IRAG2: variants seen among roughly 807,000 people sequenced by gnomAD.
IRAG2 encodes inositol 1,4,5-triphosphate receptor associated 2, also known as lymphoid restricted membrane protein.
A neutral mutation model predicts 69.9 loss-of-function variants in IRAG2; 45 were observed. That is an observed-to-expected ratio of 0.64 (90% confidence interval 0.51 to 0.83). The LOEUF is 0.83. Among genes scored for constraint, IRAG2 ranks in the 40% least tolerant of loss-of-function variants. The pLI is 0.00. For missense variants in IRAG2, 520 were observed against 587.0 expected (o/e 0.89, Z 1.18); for synonymous variants, 193 against 202.4 (o/e 0.95, Z 0.40).
upstream of IRAG2, among the ~76,000 whole-genome samples, chr12:25,003,147 C>G (rs1297428073): frequency 6.6e-6 from 1 of 151,996 alleles, no homozygotes; most frequent in Non-Finnish European, 1.5e-5. Flanking sequence ...ATACCCCTTC[C>G]AATTATAGTA....
intron 1 of IRAG2, chr12:25,005,000 T>C: frequency 1.2e-6 from 1 of 868,700 alleles, no homozygotes; most frequent in Non-Finnish European, 1.5e-6. Flanking sequence ...AAAAAAAATC[T>C]ACATTATTAA....
At chr12:25,055,365 A>G (rs1243878613) in intron 1 of IRAG2, among the ~76,000 whole-genome samples, 1 of 152,234 alleles carries the variant, frequency 6.6e-6, no homozygotes, top group African/African-American at 2.4e-5. Flanking sequence ...GGTTACTTAT[A>G]TATTTTATTT....
chr12:25,028,117 A>G (rs1477474810), intron 9 of IRAG2, among the ~76,000 whole-genome samples: 5 of 151,946 alleles, frequency 3.3e-5, no homozygotes, highest in Non-Finnish European at 5.9e-5. Context: ...TAAAGATGGG[A>G]TTTCACCATG....
At chr12:25,099,404 TAAATCCTACAGA>T (rs932792833) in intron 15 of IRAG2, among the ~76,000 whole-genome samples, 22 of 152,300 alleles carry the variant, frequency 1.4e-4, no homozygotes, top group African/African-American at 5.1e-4. Context: ...CACTTCACAT[TAAATCCTACAGA>T]AAATCCTATT....
chr12:25,044,548 G>A (rs1944777035), intron 16 of IRAG2, among the ~76,000 whole-genome samples: 1 of 152,026 alleles, frequency 6.6e-6, no homozygotes, highest in Admixed American at 6.6e-5. Flanking sequence ...TTAGATTTAA[G>A]TACATACATA....
rs541646801 is a variant in IRAG2 at position 25,077,282 on chromosome 12, A to G, written c.25-1962A>G. Among the ~76,000 whole-genome samples, 268 of 83,774 alleles carry G rather than the reference A, an allele frequency of 3.2e-3. 77 individuals carry two copies. The highest frequency in any genetic ancestry group is 5.4e-3 in the Non-Finnish European group (233 of 43,468). The allele number at this position is 83,774 out of a possible 152,430, so 55.0% of individuals were successfully genotyped here. A position where few individuals can be genotyped will look rare whatever the true frequency, so the allele number is the denominator to read the frequency against. ...TATATATGAAATATATATGAAATAT[A>G]TATGATATATATATGAAATATATAT... is the stretch of plus-strand genomic sequence containing the variant. On this transcript the variant is annotated intron_variant, in intron 6 of 21. Transcript: ENST00000556887.
intron 9 of IRAG2, among the ~76,000 whole-genome samples, chr12:25,027,403 T>C (rs559739765): frequency 4.6e-5 from 7 of 151,538 alleles, no homozygotes; most frequent in African/African-American, 1.5e-4. Flanking sequence ...TTTTTCTTTT[T>C]TTTTTTTTTG....
At position 25,042,717 on chromosome 12, in the gene IRAG2, G is replaced by A. The variant is rs574402105; in HGVS notation, c.2144+4580G>A. On this transcript the variant is annotated intron_variant, in intron 16 of 38. Transcript: ENST00000636465. ...CTTGACCTCGTGATCCACCTGCCTCGGCCTCCCAAAGTGCTGGGATTATAG... is the reference window on the plus strand; with the variant it reads ...CTTGACCTCGTGATCCACCTGCCTCAGCCTCCCAAAGTGCTGGGATTATAG... Among the ~76,000 whole-genome samples, 38 of 151,798 alleles carry A rather than the reference G, an allele frequency of 2.5e-4. No homozygotes were observed. In the South Asian group the frequency reaches 7.9e-3, roughly 32 times the overall value.
At chr12:25,045,298 A>G (rs1415049672) in intron 16 of IRAG2, among the ~76,000 whole-genome samples, 2 of 152,098 alleles carry the variant, frequency 1.3e-5, no homozygotes, top group East Asian at 3.8e-4. Flanking sequence ...ACTAAAAAAG[A>G]AAATAAATTT....
chr12:25,008,414 A>G (rs1276315456), intron 2 of IRAG2, among the ~76,000 whole-genome samples: 1 of 152,052 alleles, frequency 6.6e-6, no homozygotes, highest in Non-Finnish European at 1.5e-5. Flanking sequence ...CTACCCTGGG[A>G]AACATAGTGA....
chr12:25,021,207 C>T (rs971245821), intron 7 of IRAG2, among the ~76,000 whole-genome samples: 3 of 151,018 alleles, frequency 2.0e-5, no homozygotes, highest in African/African-American at 2.4e-5. Flanking sequence ...CAGGCTCAAG[C>T]GATCCTCTCA....
At chr12:25,015,560 TA>T (rs1263323585) in intron 5 of IRAG2, 2 of 483,474 alleles carry the variant, frequency 4.1e-6, no homozygotes, top group Non-Finnish European at 6.6e-6. Context: ...TAACTGATTT[TA>T]AATTCTTCAC....
chr12:25,078,813 C>T (rs1241342466), intron 6 of IRAG2, among the ~76,000 whole-genome samples: 1 of 152,176 alleles, frequency 6.6e-6, no homozygotes, highest in Non-Finnish European at 1.5e-5. Context: ...CATGATTTTT[C>T]TAGCTAGAAA....
At chr12:25,102,325 T>G in intron 17 of IRAG2, 84 bp downstream of exon 17, 1 of 1,020,966 alleles carries the variant, frequency 9.8e-7, no homozygotes, top group South Asian at 1.4e-5. Flanking sequence ...GGCCTTTATA[T>G]GTAAATAACA....
chr12:25,070,875 T>C (rs2140034276), intron 6 of IRAG2, among the ~76,000 whole-genome samples: 1 of 152,360 alleles, frequency 6.6e-6, no homozygotes. Context: ...TGCATTTCTC[T>C]CATGATTAAT....
At chr12:25,067,349 C>A (rs1159769251) in intron 5 of IRAG2, among the ~76,000 whole-genome samples, 1 of 152,178 alleles carries the variant, frequency 6.6e-6, no homozygotes, top group African/African-American at 2.4e-5. Flanking sequence ...AAGCAATTTT[C>A]CACACACCAA....
intron 1 of IRAG2, among the ~76,000 whole-genome samples, chr12:25,060,184 T>C (rs1475003914): frequency 1.3e-5 from 2 of 152,072 alleles, no homozygotes; most frequent in Non-Finnish European, 2.9e-5. Context: ...GCCCACTGCT[T>C]GAGTTGAAGT....
chr12:25,016,739 C>A (rs2139829018), intron 5 of IRAG2, among the ~76,000 whole-genome samples: 1 of 149,168 alleles, frequency 6.7e-6, no homozygotes, highest in Admixed American at 6.7e-5. Context: ...CAGAGCAAGA[C>A]TCTGTCTCAA....
chr12:25,066,145 A>G (rs1319169329), intron 4 of IRAG2, among the ~76,000 whole-genome samples: 1 of 151,750 alleles, frequency 6.6e-6, no homozygotes, highest in East Asian at 1.9e-4. Context: ...ATTATTTTAT[A>G]TATATTAATA....
Sources: allele counts gnomAD v4.1 joint callset (sites outside exome capture counted in the v4.1 genomes callset), GRCh38; gene constraint gnomAD v4.1.1; transcripts MANE v1.5; gene names NCBI Gene and HGNC (gene_info 2026-07-23, HGNC 2026-07-21).